WWOX: variants seen among roughly 807,000 people sequenced by gnomAD.
The protein encoded by WWOX is WW domain containing oxidoreductase.
In WWOX, 69 loss-of-function variants were observed where a neutral mutation model predicts 46.2. That is an observed-to-expected ratio of 1.49 (90% CI 1.23 to 1.82). The LOEUF (loss-of-function observed/expected upper bound fraction) is 1.82. Ranked by LOEUF, WWOX falls within the 40% of genes most tolerant of loss-of-function variation. The probability of loss-of-function intolerance (pLI) is 0.00; values close to 1 mark genes in which losing one functional copy is unlikely to be tolerated. For synonymous variants in WWOX, 359 were observed against 202.6 expected (o/e 1.77, Z -6.56); for missense variants, 919 against 542.6 (o/e 1.69, Z -6.89).
chr16:78,936,155 TG>T (rs2045732920), intron 8 of WWOX, among the ~76,000 whole-genome samples: 2 of 152,014 alleles, frequency 1.3e-5, no homozygotes, highest in Non-Finnish European at 2.9e-5. Context: ...TGGTGGTCCA[TG>T]GACAGAAATA....
intron 8 of WWOX, among the ~76,000 whole-genome samples, chr16:78,595,446 T>C (rs1244211491): frequency 6.6e-6 from 1 of 152,196 alleles, no homozygotes; most frequent in Non-Finnish European, 1.5e-5. Flanking sequence ...GGATCATACA[T>C]TGACCAAAGA....
intron 8 of WWOX, among the ~76,000 whole-genome samples, chr16:78,461,736 C>G (rs755240017): frequency 3.3e-5 from 5 of 152,196 alleles, no homozygotes; most frequent in African/African-American, 4.8e-5. Context: ...TGAATTATAC[C>G]TTATTTATGA....
chr16:78,356,286 C>G (rs2081289251), intron 5 of WWOX, among the ~76,000 whole-genome samples: 2 of 151,234 alleles, frequency 1.3e-5, no homozygotes, highest in South Asian at 4.2e-4. Context: ...ATTTCTTTTT[C>G]TAGTGTGTGT....
At chr16:78,700,028 T>C (rs144610164) in intron 8 of WWOX, among the ~76,000 whole-genome samples, 2 of 152,086 alleles carry the variant, frequency 1.3e-5, no homozygotes, top group Non-Finnish European at 2.9e-5. Flanking sequence ...GGTGGATACT[T>C]ACAACATAGA....
At chr16:78,975,788 C>T (rs544184923) in intron 8 of WWOX, among the ~76,000 whole-genome samples, 34 of 152,244 alleles carry the variant, frequency 2.2e-4, no homozygotes, top group African/African-American at 7.9e-4. Flanking sequence ...GCCTTTCAGA[C>T]AATTCTGCCA....
intron 8 of WWOX, among the ~76,000 whole-genome samples, chr16:78,647,677 T>A (rs2046876083): frequency 6.6e-6 from 1 of 152,052 alleles, no homozygotes; most frequent in African/African-American, 2.4e-5. Context: ...ACCATCACCT[T>A]CTTATACCTC....
intron 8 of WWOX, among the ~76,000 whole-genome samples, chr16:78,862,795 C>T (rs2656637): frequency 0.14 from 21,234 of 152,050 alleles, 1,883 homozygotes; most frequent in Middle Eastern, 0.2. Context: ...GCCACCCACA[C>T]TGGGAAGGGC....
chr16:79,138,000 C>T (rs1008515519), intron 8 of WWOX, among the ~76,000 whole-genome samples: 1 of 152,016 alleles, frequency 6.6e-6, no homozygotes, highest in African/African-American at 2.4e-5. Context: ...GTTTACATTC[C>T]AAGGAAGGGA....
intron 8 of WWOX, among the ~76,000 whole-genome samples, chr16:78,736,161 T>A (rs566441570): frequency 1.3e-5 from 2 of 152,206 alleles, no homozygotes; most frequent in East Asian, 3.9e-4. Context: ...GAAGATGTGG[T>A]CTCAAATGAA....
At chr16:78,654,820 C>G (rs916496218) in intron 8 of WWOX, among the ~76,000 whole-genome samples, 5 of 151,654 alleles carry the variant, frequency 3.3e-5, no homozygotes, top group African/African-American at 1.2e-4. Context: ...TGGAAATAGA[C>G]CAGTGATTCT....
chr16:78,921,034 C>T (rs1460830053), intron 8 of WWOX, among the ~76,000 whole-genome samples: 1 of 152,080 alleles, frequency 6.6e-6, no homozygotes, highest in Non-Finnish European at 1.5e-5. Context: ...TTTGCCAGTC[C>T]AATATAGGTC....
intron 8 of WWOX, chr16:78,873,406 A>G (rs981678802): frequency 3.9e-5 from 6 of 152,156 alleles, no homozygotes; most frequent in African/African-American, 1.4e-4. Flanking sequence ...ATAGCAGCAC[A>G]AATATTTACC....
chr16:78,930,031 C>T (rs1329001344), intron 8 of WWOX, among the ~76,000 whole-genome samples: 1 of 152,102 alleles, frequency 6.6e-6, no homozygotes, highest in Non-Finnish European at 1.5e-5. Context: ...AGGGAAGTCC[C>T]ACATGGACTT....
intron 8 of WWOX, among the ~76,000 whole-genome samples, chr16:78,934,160 C>A (rs2045684879): frequency 6.6e-6 from 1 of 151,490 alleles, no homozygotes; most frequent in Non-Finnish European, 1.5e-5. Flanking sequence ...GTGGTGAAAC[C>A]CCGTCTCTAC....
intron 8 of WWOX, among the ~76,000 whole-genome samples, chr16:78,940,938 T>G (rs544669021): frequency 1.3e-5 from 2 of 152,106 alleles, no homozygotes; most frequent in African/African-American, 4.8e-5. Context: ...GGAATTTTCT[T>G]CTGCCCCCCC....
At chr16:78,377,108 C>G (rs151221837) in intron 5 of WWOX, among the ~76,000 whole-genome samples, 3 of 152,296 alleles carry the variant, frequency 2.0e-5, no homozygotes, top group South Asian at 2.1e-4. Context: ...CAGTGCTTAA[C>G]AAGTTTCATT....
chr16:79,090,445 C>T (rs1219508106), intron 8 of WWOX, among the ~76,000 whole-genome samples: 1 of 152,126 alleles, frequency 6.6e-6, no homozygotes, highest in African/African-American at 2.4e-5. Context: ...CCTAGTGATA[C>T]AGCAGTGAAC....
At chr16:78,910,755 TACTC>T (rs1017888110) in intron 8 of WWOX, among the ~76,000 whole-genome samples, 3 of 151,998 alleles carry the variant, frequency 2.0e-5, no homozygotes, top group South Asian at 4.1e-4. Flanking sequence ...TCGTGGGACT[TACTC>T]ACTATCACAG....
Position 78,387,053 on chromosome 16 carries a change from C to T in WWOX, c.605+105C>T, listed in dbSNP as rs2082075660. On this transcript the variant is annotated intron_variant, in intron 6 of 8. Transcript: ENST00000566780. ...ATGCAAGGCTGTTGTGTTGTCTTGG[C>T]GTCCAAACAGGAGGCTCATTTATAT... 11 of 1,188,702 alleles carry T rather than the reference C, an allele frequency of 9.3e-6. No individual in the cohort carries two copies. In the Middle Eastern group the frequency reaches 7.6e-4, roughly 82 times the overall value. 73.6% of individuals were successfully genotyped at this position (1,188,702 alleles called of 1,614,324 possible). A position where few individuals can be genotyped will look rare whatever the true frequency, so the allele number is the denominator to read the frequency against.
Sources: allele counts gnomAD v4.1 joint callset (sites outside exome capture counted in the v4.1 genomes callset), GRCh38; gene constraint gnomAD v4.1.1; transcripts MANE v1.5; gene names NCBI Gene and HGNC (gene_info 2026-07-23, HGNC 2026-07-21).